TRDN: variants seen among roughly 807,000 people sequenced by gnomAD.
TRDN encodes the protein triadin in skeletal muscle.
TRDN carries 161 observed loss-of-function variants against 149.7 expected under a neutral mutation model. The ratio of observed to expected loss-of-function variants is 1.08; its 90% confidence interval spans 0.95 to 1.23. TRDN has a LOEUF of 1.23. Among genes scored for constraint, TRDN ranks in the 50% most tolerant of loss-of-function variants. The pLI is 0.00. For missense variants in TRDN, 896 were observed against 823.5 expected (o/e 1.09, Z -1.08); for synonymous variants, 294 against 250.5 (o/e 1.17, Z -1.64).
At chr6:123,267,085 G>A (rs1216387433) in intron 32 of TRDN, among the ~76,000 whole-genome samples, 1 of 40,272 alleles carries the variant, frequency 2.5e-5, no homozygotes, top group Non-Finnish European at 4.1e-5. Flanking sequence ...CCAGCCTGGA[G>A]AGAGAGATTT....
At chr6:123,495,116 A>G (rs1324017750) in intron 9 of TRDN, among the ~76,000 whole-genome samples, 1 of 152,054 alleles carries the variant, frequency 6.6e-6, no homozygotes, top group African/African-American at 2.4e-5. Flanking sequence ...GTGCCATCAT[A>G]GCTCACACAC....
At chr6:123,361,072 T>G (rs1471585208) in intron 20 of TRDN, among the ~76,000 whole-genome samples, 1 of 152,134 alleles carries the variant, frequency 6.6e-6, no homozygotes, top group Non-Finnish European at 1.5e-5. Context: ...GTAGAATGAT[T>G]TATAATCCTT....
At chr6:123,516,028 A>C (rs1372857294) in intron 6 of TRDN, 113 bp downstream of exon 6, 1 of 1,115,884 alleles carries the variant, frequency 9.0e-7, no homozygotes, top group East Asian at 3.9e-5. Context: ...CTGAGAAAAT[A>C]ATCCTAATCT....
At chr6:123,613,112 T>C (rs887003759) in intron 1 of TRDN, among the ~76,000 whole-genome samples, 1 of 152,198 alleles carries the variant, frequency 6.6e-6, no homozygotes. Context: ...AAAGGACGAC[T>C]GCATCATCCT....
chr6:123,338,401 A>G (rs1164025502), intron 21 of TRDN, among the ~76,000 whole-genome samples: 3 of 152,178 alleles, frequency 2.0e-5, no homozygotes, highest in Admixed American at 6.5e-5. Context: ...GGCGAAATCA[A>G]AAAAGGTCAT....
chr6:123,265,406 C>T (rs1203093625), intron 32 of TRDN, 68 bp from the exon 33 acceptor site: 4 of 1,020,924 alleles, frequency 3.9e-6, no homozygotes, highest in Admixed American at 7.4e-5. Context: ...ACATATCAGC[C>T]CTTTATATTT....
rs80185555 is a variant in TRDN, at chr6:123,324,354, C to T, written c.1471+7525G>A. Among the ~76,000 whole-genome samples the T allele has an allele frequency of 3.1e-3, 466 of 152,128 alleles. 16 individuals carry two copies. In the East Asian group the frequency reaches 0.076, roughly 25 times the overall value. ...ACAGAAGCCAGGTGTGTGGTGCATG[C>T]TTATAATTCCAGGTACTCAGGAGGC... On this transcript the variant is annotated intron_variant, in intron 23 of 40. Transcript: ENST00000334268.
intron 9 of TRDN, among the ~76,000 whole-genome samples, chr6:123,477,294 A>G (rs1160922688): frequency 7.3e-6 from 1 of 137,214 alleles, no homozygotes; most frequent in African/African-American, 2.7e-5. Flanking sequence ...ATGCAGCCAA[A>G]AAACACATGA....
chr6:123,402,878 A>C (rs1773039050), intron 12 of TRDN, among the ~76,000 whole-genome samples: 1 of 152,214 alleles, frequency 6.6e-6, no homozygotes, highest in African/African-American at 2.4e-5. Flanking sequence ...TTGTTCAAAT[A>C]AGACAGATTT....
chr6:123,412,033 A>G (rs756492209), intron 12 of TRDN, among the ~76,000 whole-genome samples: 7 of 152,232 alleles, frequency 4.6e-5, no homozygotes, highest in Non-Finnish European at 1.0e-4. Flanking sequence ...CTGGCTGGTT[A>G]ATTTCATGTT....
intron 22 of TRDN, 82 bp from the exon 23 acceptor site, chr6:123,332,011 AG>A (rs1562265462): frequency 1.9e-6 from 2 of 1,054,318 alleles, no homozygotes; most frequent in East Asian, 5.3e-5. Context: ...GTAAGCTGAA[AG>A]TATCAGTAAG....
At chr6:123,363,968 G>A (rs1218186799) in intron 20 of TRDN, among the ~76,000 whole-genome samples, 1 of 152,174 alleles carries the variant, frequency 6.6e-6, no homozygotes, top group Non-Finnish European at 1.5e-5. Context: ...GCCAACCAAA[G>A]GGAACCAGCT....
At chr6:123,311,329 T>C (rs906369794) in intron 24 of TRDN, among the ~76,000 whole-genome samples, 2 of 151,852 alleles carry the variant, frequency 1.3e-5, no homozygotes, top group African/African-American at 4.8e-5. Flanking sequence ...ATCACCTCCA[T>C]CCCAGTCCAT....
intron 24 of TRDN, among the ~76,000 whole-genome samples, chr6:123,299,554 A>C (rs1317143135): frequency 3.3e-5 from 5 of 152,070 alleles, no homozygotes; most frequent in Admixed American, 3.3e-4. Flanking sequence ...GTAAAAGAAA[A>C]GGGAAGACGT....
intron 27 of TRDN, among the ~76,000 whole-genome samples, chr6:123,273,804 A>T (rs1259153660): frequency 6.6e-6 from 1 of 152,058 alleles, no homozygotes; most frequent in African/African-American, 2.4e-5. Context: ...GTAATCTTTT[A>T]TAATGAAGAA....
At chr6:123,404,893 TTA>T (rs1160999406) in intron 12 of TRDN, among the ~76,000 whole-genome samples, 1 of 152,218 alleles carries the variant, frequency 6.6e-6, no homozygotes. Context: ...ATTCTCTCCT[TTA>T]TCAGTGTTAA....
At chr6:123,472,371 G>T (rs534140518) in intron 9 of TRDN, among the ~76,000 whole-genome samples, 1 of 152,174 alleles carries the variant, frequency 6.6e-6, no homozygotes, top group African/African-American at 2.4e-5. Flanking sequence ...GCGCTTTTCC[G>T]ACAGGCTTAA....
At chr6:123,386,273 G>C (rs1361766335) in intron 14 of TRDN, among the ~76,000 whole-genome samples, 1 of 152,172 alleles carries the variant, frequency 6.6e-6, no homozygotes, top group Non-Finnish European at 1.5e-5. Context: ...TTAATTGGTA[G>C]TATCAGACCA....
At chr6:123,592,412 T>A (rs1179380263) in intron 1 of TRDN, among the ~76,000 whole-genome samples, 3 of 152,138 alleles carry the variant, frequency 2.0e-5, no homozygotes. Context: ...AGAACCAATT[T>A]GATATTTACT....
Sources: allele counts gnomAD v4.1 joint callset (sites outside exome capture counted in the v4.1 genomes callset), GRCh38; gene constraint gnomAD v4.1.1; transcripts MANE v1.5; gene names NCBI Gene and HGNC (gene_info 2026-07-23, HGNC 2026-07-21).